The following HBS1L variants were observed in gnomAD, a reference collection of about 807,000 sequenced individuals.
HBS1L encodes the protein HBS1-like protein.
HBS1L carries 55 observed loss-of-function variants against 88.9 expected under a neutral mutation model. The observed-to-expected ratio is 0.62, with a 90% CI of 0.50 to 0.77. The LOEUF is 0.77. HBS1L is among the 30% of genes least tolerant of loss of function. The pLI is 0.00. For synonymous variants in HBS1L, 267 were observed against 288.5 expected, an observed-to-expected ratio of 0.93 and a Z score of 0.76; for missense variants, 741 against 829.3, an observed-to-expected ratio of 0.89 and a Z score of 1.31.
chr6:135,024,818 T>C (rs533677858), intron 4 of HBS1L, among the ~76,000 whole-genome samples: 114 of 152,282 alleles, frequency 7.5e-4, no homozygotes, highest in African/African-American at 2.5e-3. Context: ...GCTAATTTTA[T>C]GTAAATACTA....
chr6:134,967,495 G>T (rs561235639), intron 16 of HBS1L, among the ~76,000 whole-genome samples: 1 of 152,146 alleles, frequency 6.6e-6, no homozygotes, highest in African/African-American at 2.4e-5. Flanking sequence ...CAACGTGCCT[G>T]AACAGGAATG....
intron 4 of HBS1L, among the ~76,000 whole-genome samples, chr6:135,010,720 A>T (rs1030664741): frequency 6.6e-6 from 1 of 152,144 alleles, no homozygotes; most frequent in Non-Finnish European, 1.5e-5. Context: ...CAATGGGACT[A>T]TTTTGGGGGG....
intron 1 of HBS1L, among the ~76,000 whole-genome samples, chr6:135,051,239 G>GA (rs1220085953): frequency 2.0e-5 from 3 of 150,260 alleles, no homozygotes; most frequent in Non-Finnish European, 4.4e-5. Context: ...GAAAAAAAAA[G>GA]AAAAAAAGAA....
chr6:135,039,561 G>T lies in HBS1L; in HGVS notation c.430+12C>A, dbSNP rs1776662279. On this transcript the variant is annotated intron_variant, in intron 4 of 17. Transcript: ENST00000367837. ...ATGTAAAACAAGTGAAAAAGAACAA[G>T]TAAAGGCATACCTTTTGCTATCTTT... is the stretch of plus-strand genomic sequence containing the variant. 1 of 1,608,440 alleles carries T rather than the reference G, an allele frequency of 6.2e-7. No homozygotes were observed. Among genetic ancestry groups the T allele is most frequent in the East Asian group, 2.2e-5 (1 of 44,746 alleles).
In HBS1L at chr6:134,987,694, C is replaced by A. The variant is rs111422826; in HGVS notation, c.1181G>T (p.Arg394Leu). ...TGCAAGCTGCGTCACTCCCAGAGAA[C>A]GGACCAAGAGTCCATGCTCTCGTGT... ...GQTREHGLLV[R>L]SLGVTQLAVA... The change falls in exon 9 of 18, where the codon CGT becomes CTT. Residue 394 changes from arginine (R) to leucine (L), a missense_variant. Transcript: ENST00000367837. 1 of 1,607,558 alleles carries A rather than the reference C, an allele frequency of 6.2e-7. No homozygotes were observed. The highest frequency in any genetic ancestry group is 1.7e-5 in the Admixed American group (1 of 59,000).
At chr6:135,038,351 T>G (rs1776622920) in intron 4 of HBS1L, among the ~76,000 whole-genome samples, 1 of 146,304 alleles carries the variant, frequency 6.8e-6, no homozygotes, top group East Asian at 2.0e-4. Context: ...CAGGATTGTC[T>G]CAAATTCAAA....
chr6:134,970,123 T>C (rs998719333), intron 15 of HBS1L, among the ~76,000 whole-genome samples: 14 of 152,136 alleles, frequency 9.2e-5, no homozygotes, highest in African/African-American at 3.4e-4. Flanking sequence ...TGTGTGAACT[T>C]TGGGGCAAGT....
chr6:135,001,945 GA>G (rs900075689), intron 5 of HBS1L, among the ~76,000 whole-genome samples: 1 of 148,912 alleles, frequency 6.7e-6, no homozygotes, highest in African/African-American at 2.5e-5. Context: ...GGGAAAAGAG[GA>G]AAAAAAAGGA....
chr6:135,025,430 A>G (rs1776199697), intron 4 of HBS1L, among the ~76,000 whole-genome samples: 1 of 152,210 alleles, frequency 6.6e-6, no homozygotes, highest in South Asian at 2.1e-4. Flanking sequence ...ACCCATCCAC[A>G]CCAAGCAAGG....
chr6:135,017,651 A>G (rs1255369341), intron 4 of HBS1L, among the ~76,000 whole-genome samples: 1 of 152,072 alleles, frequency 6.6e-6, no homozygotes, highest in African/African-American at 2.4e-5. Flanking sequence ...TATAGGATAC[A>G]GAAATGTATG....
In HBS1L at chr6:135,050,582, C is replaced by T; in HGVS notation, c.109G>A (p.Ala37Thr). The T allele has an allele frequency of 6.3e-7, 1 of 1,580,886 alleles. No homozygotes were observed. The highest frequency in any genetic ancestry group is 8.6e-7 in the Non-Finnish European group (1 of 1,158,602). Residue 37 changes from alanine to threonine, a missense_variant and splice_region_variant, in exon 2 of 18, where the codon GCT (alanine) becomes ACT (threonine). Coordinates refer to ENST00000367837, the MANE Select transcript of HBS1L (RefSeq NM_006620.4). ...EDDYCISPST[A>T]AQFIYSRRDK... ...AATCAAATTATTTTTAAAAATTCAC[C>T]TGTTGACGGCGAAATACAATAATCA...
Position 134,987,764 on chromosome 6 carries a change from C to A in HBS1L, c.1111G>T (p.Ala371Ser). The stretch of plus-strand genomic sequence containing the variant: ...CCAGCTTCAAACTCTCCCCTGCTGG[C>A]ATCTACAACTAAAACAGCTACATCC... ...QADVAVLVVD[A>S]SRGEFEAGFE... Residue 371 changes from alanine (A) to serine (S), a missense_variant, in exon 9 of 18, where the codon GCC (alanine) becomes TCC (serine). Coordinates refer to ENST00000367837, the MANE Select transcript of HBS1L (RefSeq NM_006620.4). The A allele has an allele frequency of 6.3e-7, 1 of 1,599,324 alleles. No homozygotes were observed. The highest frequency in any genetic ancestry group is 1.3e-5 in the African/African-American group (1 of 74,160).
chr6:134,997,088 GA>G (rs72155156), intron 6 of HBS1L, 146 bp from the exon 7 acceptor site: 90,195 of 619,558 alleles, frequency 0.15, 6,876 homozygotes, highest in East Asian at 0.28. Flanking sequence ...ACATCTAATA[GA>G]AAAAAAAAAG....
intron 12 of HBS1L, chr6:134,982,820 G>A (rs1218412037): frequency 3.5e-5 from 9 of 254,832 alleles, no homozygotes; most frequent in East Asian, 1.5e-4. Context: ...TAATAAATAC[G>A]TAGTACCAGA....
intron 4 of HBS1L, among the ~76,000 whole-genome samples, chr6:135,009,941 TG>T (rs1316614088): frequency 6.6e-6 from 1 of 152,170 alleles, no homozygotes; most frequent in Non-Finnish European, 1.5e-5. Context: ...AAATATTCTT[TG>T]GAAGGATAAT....
chr6:135,018,506 A>C (rs1235070597), intron 4 of HBS1L, among the ~76,000 whole-genome samples: 1 of 151,972 alleles, frequency 6.6e-6, no homozygotes, highest in African/African-American at 2.4e-5. Flanking sequence ...TTCAATCTAC[A>C]TATTACATTG....
rs145913592 is a variant in HBS1L, at chr6:134,989,627, A to G, written c.1084-1836T>C. Among the ~76,000 whole-genome samples, 151 of 152,362 alleles carry G rather than the reference A, an allele frequency of 9.9e-4. 1 individual carries two copies. The highest frequency in any genetic ancestry group is 3.4e-3 in the African/African-American group (143 of 41,586). ...AATGTCTCAGATACTTTCTTACAAC[A>G]GAACATTACGATTTAAATTGAAGTA... On this transcript the variant is annotated intron_variant, in intron 8 of 17. Coordinates refer to ENST00000367837, the MANE Select transcript of HBS1L (RefSeq NM_006620.4).
intron 4 of HBS1L, among the ~76,000 whole-genome samples, chr6:135,007,828 C>T (rs553371816): frequency 2.6e-5 from 4 of 152,154 alleles, no homozygotes; most frequent in Admixed American, 6.5e-5. Flanking sequence ...AAATTGAACA[C>T]TAAATTTTCA....
At chr6:134,994,954 A>T (rs1054848276) in intron 7 of HBS1L, among the ~76,000 whole-genome samples, 1 of 152,146 alleles carries the variant, frequency 6.6e-6, no homozygotes, top group African/African-American at 2.4e-5. Flanking sequence ...CAACAATTAG[A>T]ATAATGAACT....
Sources: gnomAD v4.1 joint callset for allele counts (sites outside exome capture counted in the v4.1 genomes callset) on GRCh38, gnomAD v4.1.1 for gene constraint, MANE v1.5 for transcripts, NCBI Gene and HGNC (gene_info 2026-07-23, HGNC 2026-07-21) for gene names.